The following ATP13A4 variants were observed in gnomAD, a reference collection of about 807,000 sequenced individuals.
ATP13A4 encodes the protein ATPase 13A4, also known as probable cation-transporting ATPase 13A4.
In ATP13A4, 114 loss-of-function variants were observed where a neutral mutation model predicts 142.5. The observed-to-expected ratio is 0.80, with a 90% CI of 0.69 to 0.93. ATP13A4 has a LOEUF of 0.93. ATP13A4 is among the 40% of genes least tolerant of loss of function. ATP13A4 has a pLI of 0.00. For synonymous variants in ATP13A4, 488 were observed against 514.8 expected (o/e 0.95, Z 0.70); for missense variants, 1,392 against 1,454.0 (o/e 0.96, Z 0.69).
chr3:193,420,588 C>T (rs910428097), intron 25 of ATP13A4, among the ~76,000 whole-genome samples: 2 of 149,618 alleles, frequency 1.3e-5, no homozygotes, highest in African/African-American at 2.5e-5. Flanking sequence ...CAGTGAGATA[C>T]AAGAGAATAC....
chr3:193,478,734 T>C (rs372722933), intron 8 of ATP13A4, among the ~76,000 whole-genome samples: 5 of 152,074 alleles, frequency 3.3e-5, no homozygotes, highest in African/African-American at 1.2e-4. Flanking sequence ...TTCCACAGGA[T>C]AGAGAAAGAG....
intron 2 of ATP13A4, chr3:193,578,742 CTT>C (rs1724466101): frequency 6.5e-6 from 1 of 152,872 alleles, no homozygotes; most frequent in South Asian, 2.1e-4. Context: ...GTCTCTCTCT[CTT>C]TCTTCCTCTC....
intron 1 of ATP13A4, among the ~76,000 whole-genome samples, chr3:193,519,997 C>A (rs1294038609): frequency 6.6e-6 from 1 of 152,050 alleles, no homozygotes; most frequent in Non-Finnish European, 1.5e-5. Context: ...TGCTCCCCTA[C>A]AACGAGGCTT....
intron 1 of ATP13A4, among the ~76,000 whole-genome samples, chr3:193,533,608 T>C (rs1722439307): frequency 6.6e-6 from 1 of 151,998 alleles, no homozygotes; most frequent in Non-Finnish European, 1.5e-5. Context: ...GCCTACTCTC[T>C]CTAGCCAAAA....
chr3:193,461,542 C>T (rs1311718975), intron 13 of ATP13A4, among the ~76,000 whole-genome samples: 4 of 152,148 alleles, frequency 2.6e-5, no homozygotes, highest in African/African-American at 7.2e-5. Flanking sequence ...TGGTTAGAAG[C>T]ACGAGGATCA....
Position 193,572,456 on chromosome 3 carries a change from T to C in ATP13A4, n.291+9251A>G, listed in dbSNP as rs74934502. On this transcript the variant is annotated intron_variant and non_coding_transcript_variant, in intron 2 of 3. Coordinates refer to the ATP13A4 transcript ENST00000489140. ...TTTGTTTATTAATTTGTTAAAATAATTGAATACTCCATGATAGCAATGTGC... is the reference window on the plus strand; with the variant it reads ...TTTGTTTATTAATTTGTTAAAATAACTGAATACTCCATGATAGCAATGTGC... Among the ~76,000 whole-genome samples, 443 of 152,354 alleles carry C rather than the reference T, an allele frequency of 2.9e-3. 3 individuals are homozygous for C. Among genetic ancestry groups the C allele is most frequent in the South Asian group, 0.017 (80 of 4,834 alleles).
rs1715529540 is a variant in ATP13A4, at chr3:193,424,065, A to T, written c.2843-9315T>A. Among the ~76,000 whole-genome samples the T allele has an allele frequency of 1.3e-5, 2 of 149,526 alleles. 1 individual carries two copies. The highest frequency in any genetic ancestry group is 1.4e-4 in the Admixed American group (2 of 14,400). On this transcript the variant is annotated intron_variant, in intron 25 of 29. Coordinates refer to ENST00000342695, the MANE Select transcript of ATP13A4 (RefSeq NM_032279.4). ...ATCTATAAAAGAAATAAAGAAGACA[A>T]TGCCACTTTCAACAGCTACACCACA...
intron 25 of ATP13A4, among the ~76,000 whole-genome samples, chr3:193,419,465 G>A (rs1715296556): frequency 6.7e-6 from 1 of 150,018 alleles, no homozygotes; most frequent in Non-Finnish European, 1.5e-5. Flanking sequence ...TGGCTTCCCA[G>A]AGTAGTCATG....
intron 3 of ATP13A4, among the ~76,000 whole-genome samples, chr3:193,495,654 C>T (rs1306195068): frequency 6.6e-6 from 1 of 152,066 alleles, no homozygotes; most frequent in Non-Finnish European, 1.5e-5. Flanking sequence ...AAAGTTTTTC[C>T]TCTAAGACCT....
chr3:193,499,262 T>C (rs1289562746), intron 3 of ATP13A4, among the ~76,000 whole-genome samples: 1 of 152,250 alleles, frequency 6.6e-6, no homozygotes, highest in Non-Finnish European at 1.5e-5. Context: ...AATCTCTCTC[T>C]AATTTGCAGA....
At chr3:193,496,080 A>G (rs1720208594) in intron 3 of ATP13A4, among the ~76,000 whole-genome samples, 1 of 152,242 alleles carries the variant, frequency 6.6e-6, no homozygotes, top group Non-Finnish European at 1.5e-5. Context: ...GAAGACAAAA[A>G]TAATTGAAAA....
chr3:193,486,843 A>T (rs1050888490), intron 7 of ATP13A4, among the ~76,000 whole-genome samples: 16 of 152,250 alleles, frequency 1.1e-4, no homozygotes, highest in Non-Finnish European at 2.2e-4. Context: ...CTCAAGATAT[A>T]TTAATAGTAA....
At chr3:193,565,366 AT>A (rs1724111574) in intron 2 of ATP13A4, among the ~76,000 whole-genome samples, 1 of 152,176 alleles carries the variant, frequency 6.6e-6, no homozygotes, top group Non-Finnish European at 1.5e-5. Context: ...AATTACTGTT[AT>A]TTTGGGGTAC....
chr3:193,547,005 G>T (rs1197765481), intron 1 of ATP13A4, among the ~76,000 whole-genome samples: 1 of 152,046 alleles, frequency 6.6e-6, no homozygotes, highest in Non-Finnish European at 1.5e-5. Flanking sequence ...TTTCCTTTGG[G>T]GATTAAATGG....
At chr3:193,467,563 T>C (rs1336998450) in intron 9 of ATP13A4, 77 bp from the exon 10 acceptor site, 3 of 1,455,152 alleles carry the variant, frequency 2.1e-6, no homozygotes, top group African/African-American at 2.8e-5. Context: ...CCACTCATCA[T>C]ACAACAGACA....
intron 25 of ATP13A4, among the ~76,000 whole-genome samples, chr3:193,425,030 T>C (rs1165691516): frequency 6.8e-6 from 1 of 147,130 alleles, no homozygotes; most frequent in Non-Finnish European, 1.5e-5. Flanking sequence ...AATTAAAAAA[T>C]GGAAAAAATA....
intron 8 of ATP13A4, among the ~76,000 whole-genome samples, chr3:193,474,621 GGAGA>G (rs1156991035): frequency 1.5e-5 from 2 of 136,414 alleles, no homozygotes; most frequent in Non-Finnish European, 3.1e-5. Flanking sequence ...AAGAAAGGAA[GGAGA>G]GAGAGACGAG....
chr3:193,412,106 C>T, intron 27 of ATP13A4, 72 bp downstream of exon 27: 2 of 1,392,692 alleles, frequency 1.4e-6, no homozygotes, highest in South Asian at 1.2e-5. Flanking sequence ...AAGCTGTTCC[C>T]TAAGTGACCT....
At chr3:193,531,329 A>AGGAAGGGAG (rs1722320505) in intron 1 of ATP13A4, among the ~76,000 whole-genome samples, 3 of 114,990 alleles carry the variant, frequency 2.6e-5, no homozygotes, top group African/African-American at 6.5e-5. Context: ...GAAGGAAGGA[A>AGGAAGGGAG]GGAAGGAAGG....
Sources: allele counts gnomAD v4.1 joint callset (sites outside exome capture counted in the v4.1 genomes callset), GRCh38; gene constraint gnomAD v4.1.1; transcripts MANE v1.5; gene names NCBI Gene and HGNC (gene_info 2026-07-23, HGNC 2026-07-21).